The following PREX1 variants were observed in gnomAD, a reference collection of about 807,000 sequenced individuals.
PREX1 encodes the protein phosphatidylinositol 3,4,5-trisphosphate-dependent Rac exchanger 1 protein.
Under a neutral mutation model 198.3 loss-of-function variants are expected in PREX1, and 41 were observed. The observed-to-expected ratio is 0.21, with a 90% CI of 0.16 to 0.27. The LOEUF (loss-of-function observed/expected upper bound fraction) is 0.27, where lower values mean the gene tolerates loss of function less well. Among genes scored for constraint, PREX1 ranks in the 10% least tolerant of loss-of-function variants. The pLI, the probability that PREX1 is intolerant of heterozygous loss-of-function variation, is 1.00. For missense variants in PREX1, 1,620 were observed against 2,200.7 expected (o/e 0.74, Z 5.28); for synonymous variants, 843 against 887.2 (o/e 0.95, Z 0.89).
At chr20:48,768,655 A>G (rs546639759) in intron 1 of PREX1, among the ~76,000 whole-genome samples, 11 of 152,246 alleles carry the variant, frequency 7.2e-5, no homozygotes, top group African/African-American at 2.2e-4. Context: ...TTAGCCAGGC[A>G]TGGTGGCTAC....
At chr20:48,654,833 C>T (rs2089530146) in intron 19 of PREX1, among the ~76,000 whole-genome samples, 1 of 152,246 alleles carries the variant, frequency 6.6e-6, no homozygotes, top group Admixed American at 6.5e-5. Flanking sequence ...CCTTTAATAG[C>T]ACACAAGGAA....
Position 48,666,682 on chromosome 20 carries a change from C to T in PREX1, c.1666-327G>A, listed in dbSNP as rs950215212. 4.6e-5 allele frequency among the ~76,000 whole-genome samples: 7 copies of T among 152,080 alleles called. No homozygotes were observed. Among genetic ancestry groups the T allele is most frequent in the Admixed American group, 2.6e-4 (4 of 15,272 alleles). On this transcript the variant is annotated intron_variant, in intron 14 of 39. Coordinates refer to ENST00000371941, the MANE Select transcript of PREX1 (RefSeq NM_020820.4). The surrounding 1 kb of genome is among the most constrained non-coding windows in gnomAD (Gnocchi z 4.3). ...CTGGGACTACAGGCACCTGCCACCACGCCCGGCTAATTTTTTGTATTTTTA... is the reference window on the plus strand; with the variant it reads ...CTGGGACTACAGGCACCTGCCACCATGCCCGGCTAATTTTTTGTATTTTTA...
rs144162850 is a variant in PREX1 at position 48,666,174 on chromosome 20, C to T, written c.1738+109G>A. 3,524 of 1,152,648 alleles carry T rather than the reference C, an allele frequency of 3.1e-3. 108 individuals carry two copies. The South Asian group carries it at 0.043, about 14-fold the overall frequency. 71.4% of individuals were successfully genotyped at this position (1,152,648 alleles called of 1,614,324 possible). On this transcript the variant is annotated intron_variant, in intron 15 of 39. Coordinates refer to ENST00000371941, the MANE Select transcript of PREX1 (RefSeq NM_020820.4). This position sits in a 1 kb window ranked among gnomAD's most constrained non-coding sequence, Gnocchi z 4.3. ...GGATTCGTGAGCCTCCCCAAACCCC[C>T]GGGGGTCTAGAGAGCCACAGACCTG...
At chr20:48,861,937 C>T in the PREX1 span, among the ~76,000 whole-genome samples, 4 of 152,248 alleles carry the variant, frequency 2.6e-5, no homozygotes, top group Admixed American at 1.3e-4. Flanking sequence ...AGGCCAGGCG[C>T]GGTGGCTCAC....
intron 6 of PREX1, among the ~76,000 whole-genome samples, chr20:48,705,629 C>T (rs2123080231): frequency 6.6e-6 from 1 of 152,330 alleles, no homozygotes; most frequent in South Asian, 2.1e-4. Flanking sequence ...ACTGTAACTA[C>T]TAACAGATAG....
At chr20:48,705,661 A>G (rs762411329) in intron 6 of PREX1, among the ~76,000 whole-genome samples, 2 of 152,230 alleles carry the variant, frequency 1.3e-5, no homozygotes, top group African/African-American at 2.4e-5. Context: ...CTCCACTATT[A>G]GACGTCATTT....
upstream of PREX1, among the ~76,000 whole-genome samples, chr20:48,832,721 G>T (rs2090539769): frequency 6.6e-6 from 1 of 152,212 alleles, no homozygotes; most frequent in African/African-American, 2.4e-5. Flanking sequence ...ACCCCCAGCT[G>T]CCCAAGTCAA....
intron 1 of PREX1, among the ~76,000 whole-genome samples, chr20:48,778,596 A>T (rs1205746218): frequency 6.6e-6 from 1 of 152,124 alleles, no homozygotes; most frequent in African/African-American, 2.4e-5. Context: ...TCTCTAAAAA[A>T]AAAAAGGAAC....
chr20:48,823,262 C>T (rs1262189173), intron 1 of PREX1, among the ~76,000 whole-genome samples: 1 of 151,834 alleles, frequency 6.6e-6, no homozygotes, highest in African/African-American at 2.4e-5. Flanking sequence ...TCTCTGCCCA[C>T]CCACCCAGGC....
upstream of PREX1, among the ~76,000 whole-genome samples, chr20:48,829,191 TCTTA>T (rs1246607553): frequency 6.6e-6 from 1 of 152,190 alleles, no homozygotes; most frequent in Non-Finnish European, 1.5e-5. Context: ...AAATGTTTGT[TCTTA>T]CTATTATTGC....
the PREX1 span, among the ~76,000 whole-genome samples, chr20:48,885,363 T>C: frequency 6.6e-6 from 1 of 152,062 alleles, no homozygotes; most frequent in Non-Finnish European, 1.5e-5. Flanking sequence ...AAAATATGGG[T>C]ATAGTAGAGC....
the PREX1 span, among the ~76,000 whole-genome samples, chr20:48,855,210 A>G: frequency 6.6e-6 from 1 of 152,208 alleles, no homozygotes; most frequent in African/African-American, 2.4e-5. Context: ...AGCAACATGT[A>G]ACCAATACAT....
At chr20:48,685,298 C>T (rs1402577127) in intron 10 of PREX1, among the ~76,000 whole-genome samples, 1 of 152,220 alleles carries the variant, frequency 6.6e-6, no homozygotes, top group Non-Finnish European at 1.5e-5. Flanking sequence ...ACACCCTCCA[C>T]ATTAATACAC....
chr20:48,696,940 CCATAATCACGAGT>C (rs1461706760), intron 7 of PREX1, among the ~76,000 whole-genome samples: 1 of 150,738 alleles, frequency 6.6e-6, no homozygotes, highest in Non-Finnish European at 1.5e-5. Flanking sequence ...TTGTCAGCCT[CCATAATCACGAGT>C]CAACTGCTTA....
intron 15 of PREX1, among the ~76,000 whole-genome samples, chr20:48,664,817 G>T (rs1478840988): frequency 1.5e-5 from 2 of 137,506 alleles, no homozygotes; most frequent in African/African-American, 2.7e-5. Context: ...TTCTAATCCC[G>T]GCTCCAGACG....
rs926021558 is a variant in PREX1 at position 48,825,590 on chromosome 20, A to C, written c.219+2052T>G. On this transcript the variant is annotated intron_variant, in intron 1 of 39. Coordinates refer to ENST00000371941, the MANE Select transcript of PREX1 (RefSeq NM_020820.4). ...CTACTCTACACGTGGACGATTTAAA[A>C]CCACAGTTAACTCAAACACAATCTA... 3.9e-5 allele frequency among the ~76,000 whole-genome samples: 6 copies of C among 152,230 alleles called. No homozygotes were observed. In the East Asian group the frequency reaches 1.2e-3, roughly 29 times the overall value.
Position 48,745,124 on chromosome 20 carries a change from G to T in PREX1, c.315C>A (p.Asp105Glu). The change falls in exon 3 of 40, where the codon GAC (aspartate) becomes GAA (glutamate). Residue 105 changes from aspartate (D) to glutamate (E), a missense_variant. Physicochemically the swap from Asp to Glu is conservative, Grantham distance 45. Transcript: ENST00000371941. ...AGAAATCCTTATGAACTTCCAGGAT[G>T]TCTTCGATGTTCGAGAACAGGACCT... ...NVKVLFSNIEDILEVHKDFLA... is the reference protein window; with the variant it reads ...NVKVLFSNIEEILEVHKDFLA... 3 of 1,614,092 alleles carry T rather than the reference G, an allele frequency of 1.9e-6. No individual in the cohort carries two copies. Among genetic ancestry groups the T allele is most frequent in the Non-Finnish European group, 2.5e-6 (3 of 1,179,948 alleles).
intron 7 of PREX1, among the ~76,000 whole-genome samples, chr20:48,697,987 T>C (rs2089855641): frequency 6.6e-6 from 1 of 152,234 alleles, no homozygotes; most frequent in Admixed American, 6.5e-5. Context: ...AGGCATTGCC[T>C]GCACCCACAT....
rs2089320788 is a variant in PREX1, at chr20:48,632,289, T to A, written c.4514A>T (p.Tyr1505Phe). Residue 1505 changes from tyrosine (Y) to phenylalanine (F), a missense_variant, in exon 35 of 40, where the codon TAC becomes TTC. Physicochemically the swap from Tyr to Phe is conservative, Grantham distance 22. Around this residue, in one of 7 missense-constraint regions of PREX1, gnomAD observed 476 missense variants for 603.4 expected, o/e 0.79. Transcript: ENST00000371941. ...AQSLEKVQQY[Y>F]RKLRAFYLER... The stretch of plus-strand genomic sequence containing the variant: ...CCCAGGCGGATACCTGAGTTTGCGG[T>A]AATACTGCTGAACTTTCTCCAGGGA... The A allele has an allele frequency of 3.1e-6, 5 of 1,613,942 alleles. No homozygotes were observed. The highest frequency in any genetic ancestry group is 4.2e-6 in the Non-Finnish European group (5 of 1,180,010).
Sources: allele counts gnomAD v4.1 joint callset (sites outside exome capture counted in the v4.1 genomes callset), GRCh38; gene constraint gnomAD v4.1.1; regional missense constraint gnomAD v4.1.1; non-coding constraint Gnocchi (gnomAD v3.1); transcripts MANE v1.5; gene names NCBI Gene and HGNC (gene_info 2026-07-23, HGNC 2026-07-21).